SCFD1: variants seen among roughly 807,000 people sequenced by gnomAD.
SCFD1 encodes the protein sec1 family domain-containing protein 1.
In SCFD1, 37 loss-of-function variants were observed where a neutral mutation model predicts 103.2. The observed-to-expected ratio is 0.36, with a 90% CI of 0.28 to 0.47. The LOEUF (loss-of-function observed/expected upper bound fraction) is 0.47, where lower values mean the gene tolerates loss of function less well. Among genes scored for constraint, SCFD1 ranks in the 20% least tolerant of loss-of-function variants. SCFD1 has a pLI of 1.00. For missense variants in SCFD1, 639 were observed against 761.2 expected (o/e 0.84, Z 1.89); for synonymous variants, 264 against 245.0 (o/e 1.08, Z -0.73).
intron 5 of SCFD1, among the ~76,000 whole-genome samples, 191 bp from the exon 6 acceptor site, chr14:30,639,586 T>C (rs539094984): frequency 6.6e-6 from 1 of 152,342 alleles, no homozygotes; most frequent in Non-Finnish European, 1.5e-5. Flanking sequence ...AAGACTTGTT[T>C]TTATTGCCTT....
chr14:30,681,946 C>T (rs1054918304), intron 14 of SCFD1, among the ~76,000 whole-genome samples: 1 of 152,140 alleles, frequency 6.6e-6, no homozygotes, highest in African/African-American at 2.4e-5. Context: ...CCAAGTCTAT[C>T]GCCCTCTAAT....
intron 19 of SCFD1, among the ~76,000 whole-genome samples, chr14:30,713,538 A>C (rs1892045426): frequency 1.3e-5 from 2 of 152,260 alleles, no homozygotes; most frequent in Non-Finnish European, 2.9e-5. Flanking sequence ...TAAAACACAA[A>C]GTAAAATTTA....
intron 22 of SCFD1, 147 bp downstream of exon 22, chr14:30,722,064 T>C (rs1251159953): frequency 1.4e-5 from 8 of 573,132 alleles, no homozygotes; most frequent in Non-Finnish European, 2.1e-5. Flanking sequence ...TTTATAAAGC[T>C]GCTTATATTT....
intron 14 of SCFD1, among the ~76,000 whole-genome samples, chr14:30,680,959 G>A (rs902980647): frequency 1.4e-4 from 22 of 152,156 alleles, no homozygotes; most frequent in Admixed American, 8.5e-4. Context: ...TCAGCTGGGC[G>A]CGGTGGCTCA....
intron 13 of SCFD1, among the ~76,000 whole-genome samples, chr14:30,674,689 C>A (rs17097068): frequency 0.082 from 12,438 of 151,988 alleles, 846 homozygotes; most frequent in African/African-American, 0.18. Flanking sequence ...ATACAGATAA[C>A]GCATGTTTCC....
intron 10 of SCFD1, among the ~76,000 whole-genome samples, chr14:30,657,065 G>A (rs1886973888): frequency 6.6e-6 from 1 of 152,058 alleles, no homozygotes; most frequent in Non-Finnish European, 1.5e-5. Context: ...CTTAATAAGA[G>A]CATAGCATAC....
At chr14:30,729,035 C>T (rs1363424592) in intron 23 of SCFD1, among the ~76,000 whole-genome samples, 1 of 152,086 alleles carries the variant, frequency 6.6e-6, no homozygotes, top group Admixed American at 6.6e-5. Context: ...GTTGGGATTA[C>T]AGGCTTGAAC....
At chr14:30,683,777 C>A (rs1211653437) in intron 14 of SCFD1, among the ~76,000 whole-genome samples, 1 of 152,192 alleles carries the variant, frequency 6.6e-6, no homozygotes, top group African/African-American at 2.4e-5. Context: ...ATTCCCTGTA[C>A]CTCCTGAGAA....
intron 10 of SCFD1, among the ~76,000 whole-genome samples, chr14:30,668,081 G>A (rs1234746148): frequency 3.3e-5 from 5 of 152,110 alleles, no homozygotes; most frequent in African/African-American, 1.2e-4. Context: ...AAAAGAGCCC[G>A]CATTGCCAAG....
chr14:30,638,998 T>G (rs1293172182), intron 5 of SCFD1, among the ~76,000 whole-genome samples: 1 of 152,202 alleles, frequency 6.6e-6, no homozygotes, highest in Non-Finnish European at 1.5e-5. Flanking sequence ...TTTTTGAGGC[T>G]TATGCCTTTA....
intron 6 of SCFD1, among the ~76,000 whole-genome samples, chr14:30,641,828 G>A (rs1286999461): frequency 6.6e-6 from 1 of 152,108 alleles, no homozygotes; most frequent in Non-Finnish European, 1.5e-5. Flanking sequence ...GTAACCACAA[G>A]TGGTATTAAA....
chr14:30,734,612 CA>C, intron 23 of SCFD1, 177 bp from the exon 24 acceptor site: 1 of 563,170 alleles, frequency 1.8e-6, no homozygotes, highest in Admixed American at 3.0e-5. Context: ...CTCATTTCAC[CA>C]CTTTATTCCT....
At position 30,707,936 on chromosome 14, in the gene SCFD1, G is replaced by A. The variant is rs1594743068; in HGVS notation, c.1554-54G>A. On this transcript the variant is annotated intron_variant, in intron 18 of 24. Transcript: ENST00000458591. ...TCAGGTAAATATTTTATCGATAACA[G>A]ATTGGAGAGGCACTTTGTACTTAGA... The A allele has an allele frequency of 3.4e-6, 4 of 1,169,858 alleles. No individual in the cohort carries two copies. In the East Asian group the frequency reaches 9.3e-5, roughly 27 times the overall value. The allele number at this position is 1,169,858 out of a possible 1,614,324, so 72.5% of individuals were successfully genotyped here.
At chr14:30,734,522 A>AT in intron 23 of SCFD1, 1 of 374,682 alleles carries the variant, frequency 2.7e-6, no homozygotes, top group Non-Finnish European at 5.0e-6. Context: ...TGACAGTGAG[A>AT]TTCCTTCTAT....
chr14:30,735,495 G>A (rs758948429), intron 24 of SCFD1, 91 bp from the exon 25 acceptor site: 1 of 856,338 alleles, frequency 1.2e-6, no homozygotes. Context: ...AATAGGAAGT[G>A]TAATTTATTA....
intron 10 of SCFD1, among the ~76,000 whole-genome samples, chr14:30,668,711 TCAAA>T (rs1016169579): frequency 2.0e-5 from 3 of 151,462 alleles, no homozygotes; most frequent in African/African-American, 4.8e-5. Context: ...AAGAAAAAAA[TCAAA>T]CAACCCCATC....
chr14:30,703,960 TATAA>T lies in SCFD1; in HGVS notation c.1490+1590_1490+1593del, dbSNP rs1296155991. The stretch of plus-strand genomic sequence containing the variant: ...ATATATATATATATATATATATATA[TATAA>T]ATAATGAGATATCTTGGGGATGGGA... On this transcript the variant is annotated intron_variant, in intron 17 of 24. Coordinates refer to ENST00000458591, the MANE Select transcript of SCFD1 (RefSeq NM_016106.4). Among the ~76,000 whole-genome samples the T allele has an allele frequency of 7.2e-3, 327 of 45,316 alleles. 36 individuals are homozygous for T. Among genetic ancestry groups the T allele is most frequent in the African/African-American group, 0.023 (65 of 2,784 alleles). 29.7% of individuals were successfully genotyped at this position (45,316 alleles called of 152,430 possible).
chr14:30,622,366 G>T lies in SCFD1; in HGVS notation c.28G>T (p.Ala10Ser). The T allele has an allele frequency of 6.4e-7, 1 of 1,561,930 alleles. No individual in the cohort carries two copies. The change falls in exon 1 of 25, where the codon GCA (alanine) becomes TCA (serine). Residue 10 changes from alanine to serine, a missense_variant. Physicochemically the swap from Ala to Ser is moderately conservative, Grantham distance 99. Coordinates refer to ENST00000458591, the MANE Select transcript of SCFD1 (RefSeq NM_016106.4). MAAAAAATAAAAASIRERQT... is the reference protein window; with the variant it reads MAAAAAATASAAASIRERQT... ...GGCGGCGGCGGCGGCAGCGACAGCAGCAGCAGCAGCCAGTATTCGGGAAAG... is the reference window on the plus strand; with the variant it reads ...GGCGGCGGCGGCGGCAGCGACAGCATCAGCAGCAGCCAGTATTCGGGAAAG...
rs73254579 is a variant in SCFD1 at position 30,734,946 on chromosome 14, T to C, written c.1905+88T>C. ...AAAAGAGAGAAAGAAAACCACTTAC[T>C]CACCTGAACCAGCCGAAACCAAAGC... On this transcript the variant is annotated intron_variant, in intron 24 of 24. Coordinates refer to ENST00000458591, the MANE Select transcript of SCFD1 (RefSeq NM_016106.4). 4,049 of 1,081,006 alleles carry C rather than the reference T, an allele frequency of 3.7e-3. 140 individuals carry two copies. In the African/African-American group the frequency reaches 0.056, roughly 15 times the overall value. 67.0% of individuals were successfully genotyped at this position (1,081,006 alleles called of 1,614,324 possible). A position where few individuals can be genotyped will look rare whatever the true frequency, so the allele number is the denominator to read the frequency against.
Sources: allele counts gnomAD v4.1 joint callset (sites outside exome capture counted in the v4.1 genomes callset), GRCh38; gene constraint gnomAD v4.1.1; transcripts MANE v1.5; gene names NCBI Gene and HGNC (gene_info 2026-07-23, HGNC 2026-07-21).